Variants in LINGO2 observed in about 807,000 individuals in gnomAD.
LINGO2 encodes leucine rich repeat and Ig domain containing 2, also known as leucine-rich repeat and immunoglobulin-like domain-containing nogo receptor-interacting protein 2.
LINGO2 carries 14 observed loss-of-function variants against 30.6 expected under a neutral mutation model. That is an observed-to-expected ratio of 0.46 (90% confidence interval 0.30 to 0.72). The LOEUF (loss-of-function observed/expected upper bound fraction) is 0.72. Among genes scored for constraint, LINGO2 ranks in the 30% least tolerant of loss-of-function variants. The probability of loss-of-function intolerance (pLI) is 0.07; values close to 1 mark genes in which losing one functional copy is unlikely to be tolerated. For missense variants in LINGO2, 729 were observed against 751.7 expected (o/e 0.97, Z 0.35); for synonymous variants, 317 against 288.5 (o/e 1.10, Z -1.00).
chr9:28,495,234 G>A (rs959609263), intron 1 of LINGO2, among the ~76,000 whole-genome samples: 6 of 152,054 alleles, frequency 3.9e-5, no homozygotes, highest in African/African-American at 1.4e-4. Flanking sequence ...GATCCCATTT[G>A]TCAATTTTGT....
the LINGO2 span, among the ~76,000 whole-genome samples, chr9:29,069,165 CAT>C: frequency 1.3e-5 from 2 of 151,870 alleles, no homozygotes; most frequent in African/African-American, 4.8e-5. Flanking sequence ...TAAGTGAACA[CAT>C]GATACTTACA....
intron 3 of LINGO2, among the ~76,000 whole-genome samples, chr9:28,371,237 C>G (rs767833214): frequency 2.0e-4 from 31 of 152,208 alleles, no homozygotes; most frequent in Non-Finnish European, 4.0e-4. Flanking sequence ...AGCTCCATTT[C>G]AACCCATTGA....
chr9:28,559,731 A>T (rs1038542711), intron 1 of LINGO2, among the ~76,000 whole-genome samples: 3 of 151,738 alleles, frequency 2.0e-5, no homozygotes, highest in African/African-American at 7.3e-5. Flanking sequence ...TTTCTGTTAA[A>T]TTTTTTTTGT....
At chr9:28,938,955 T>C in the LINGO2 span, among the ~76,000 whole-genome samples, 1 of 152,230 alleles carries the variant, frequency 6.6e-6, no homozygotes, top group South Asian at 2.1e-4. Context: ...AACTGTTCAA[T>C]AGCAGGATAA....
chr9:28,731,995 T>C, the LINGO2 span, among the ~76,000 whole-genome samples: 1 of 152,124 alleles, frequency 6.6e-6, no homozygotes. Flanking sequence ...TAACCATGAT[T>C]CTAAAATTGA....
Position 28,389,177 on chromosome 9 carries a change from A to G in LINGO2, c.-278-16309T>C, listed in dbSNP as rs554846857. ...CCAGCTTTAGGAGATTGTTATCTAA[A>G]GTAATTATGTTACTCTAATAATAAA... On this transcript the variant is annotated intron_variant, in intron 2 of 5. Transcript: ENST00000379992. Among the ~76,000 whole-genome samples the G allele has an allele frequency of 1.1e-3, 167 of 152,290 alleles. 1 individual carries two copies. Among genetic ancestry groups the G allele is most frequent in the Middle Eastern group, 6.8e-3 (2 of 294 alleles).
At chr9:28,684,763 T>C in the LINGO2 span, among the ~76,000 whole-genome samples, 39 of 150,208 alleles carry the variant, frequency 2.6e-4, no homozygotes, top group African/African-American at 9.3e-4. Flanking sequence ...AAGTGATCTG[T>C]CCACCTCAGC....
At chr9:28,591,105 C>A (rs1416741412) in intron 1 of LINGO2, among the ~76,000 whole-genome samples, 1 of 148,856 alleles carries the variant, frequency 6.7e-6, no homozygotes, top group Non-Finnish European at 1.5e-5. Flanking sequence ...GGGAATTGAA[C>A]AATGAGAACA....
chr9:28,057,943 C>A (rs1825011432), intron 4 of LINGO2, among the ~76,000 whole-genome samples: 1 of 152,080 alleles, frequency 6.6e-6, no homozygotes, highest in Non-Finnish European at 1.5e-5. Context: ...TACCACACTG[C>A]ATGATAAATA....
chr9:29,035,228 A>G, the LINGO2 span, among the ~76,000 whole-genome samples: 1 of 152,036 alleles, frequency 6.6e-6, no homozygotes, highest in Non-Finnish European at 1.5e-5. Context: ...CAAAACCTCT[A>G]ATTTTATGAT....
At chr9:28,144,172 C>A (rs1827750946) in intron 4 of LINGO2, among the ~76,000 whole-genome samples, 1 of 152,082 alleles carries the variant, frequency 6.6e-6, no homozygotes, top group Non-Finnish European at 1.5e-5. Flanking sequence ...TTAATAATTG[C>A]ATAAAGGTTA....
chr9:28,028,160 G>C (rs527367550), intron 4 of LINGO2, among the ~76,000 whole-genome samples: 1 of 151,952 alleles, frequency 6.6e-6, no homozygotes, highest in East Asian at 1.9e-4. Context: ...TCTCTTGACC[G>C]GTGTTTTAAG....
intron 3 of LINGO2, among the ~76,000 whole-genome samples, chr9:28,341,159 G>A (rs1236209435): frequency 1.3e-5 from 2 of 152,028 alleles, no homozygotes; most frequent in African/African-American, 2.4e-5. Flanking sequence ...CAATTCAATA[G>A]ATATGCCTGG....
chr9:28,826,509 C>A, the LINGO2 span, among the ~76,000 whole-genome samples: 1 of 152,010 alleles, frequency 6.6e-6, no homozygotes, highest in Non-Finnish European at 1.5e-5. Context: ...GCATCACAGG[C>A]CTGCCAAAAG....
the LINGO2 span, among the ~76,000 whole-genome samples, chr9:28,929,458 A>C: frequency 6.6e-6 from 1 of 152,204 alleles, no homozygotes; most frequent in African/African-American, 2.4e-5. Context: ...AGGGTTCCAT[A>C]TCCTCAGAGA....
the LINGO2 span, among the ~76,000 whole-genome samples, chr9:28,792,239 G>GA: frequency 2.6e-5 from 4 of 151,796 alleles, no homozygotes; most frequent in African/African-American, 9.7e-5. Context: ...TAAGAGAAGA[G>GA]AAAAGAAAGA....
At chr9:28,161,801 C>T (rs1394217561) in intron 4 of LINGO2, among the ~76,000 whole-genome samples, 3 of 151,792 alleles carry the variant, frequency 2.0e-5, no homozygotes, top group East Asian at 3.9e-4. Context: ...CAGGTATTTT[C>T]GCCATTTCAT....
At chr9:28,834,414 A>G in the LINGO2 span, among the ~76,000 whole-genome samples, 1 of 152,212 alleles carries the variant, frequency 6.6e-6, no homozygotes, top group African/African-American at 2.4e-5. Context: ...CTATGTATCT[A>G]TTTTAGAATA....
the LINGO2 span, among the ~76,000 whole-genome samples, chr9:28,683,116 TTA>T: frequency 3.9e-5 from 6 of 152,152 alleles, no homozygotes; most frequent in Admixed American, 1.3e-4. Context: ...TTGCTTGTAT[TTA>T]TATGTTTTCT....
Sources: allele counts gnomAD v4.1 joint callset (sites outside exome capture counted in the v4.1 genomes callset), GRCh38; gene constraint gnomAD v4.1.1; transcripts MANE v1.5; gene names NCBI Gene and HGNC (gene_info 2026-07-23, HGNC 2026-07-21).